KLHL5: variants seen among roughly 807,000 people sequenced by gnomAD.
KLHL5 encodes the protein kelch like family member 5.
In KLHL5, 48 loss-of-function variants were observed where a neutral mutation model predicts 77.7. The ratio of observed to expected loss-of-function variants is 0.62; its 90% CI spans 0.49 to 0.79. The LOEUF is 0.79. Ranked by LOEUF, KLHL5 falls within the 30% of genes least tolerant of loss-of-function variation. The probability of loss-of-function intolerance (pLI) is 0.00; values close to 1 mark genes in which losing one functional copy is unlikely to be tolerated. For missense variants in KLHL5, 723 were observed against 859.7 expected (o/e 0.84, Z 1.99); for synonymous variants, 260 against 297.0 (o/e 0.88, Z 1.28).
chr4:39,115,632 G>A, intron 10 of KLHL5: 1 of 1,355,014 alleles, frequency 7.4e-7, no homozygotes, highest in Non-Finnish European at 9.4e-7. Flanking sequence ...CTGCAACAAT[G>A]GGAGGGGAGA....
intron 10 of KLHL5, among the ~76,000 whole-genome samples, chr4:39,120,515 G>A (rs190849556): frequency 1.3e-5 from 2 of 152,266 alleles, no homozygotes; most frequent in East Asian, 3.9e-4. Context: ...GCACGTAGAA[G>A]GTAGTCAAAA....
At chr4:39,052,394 A>G (rs1248971372) in intron 1 of KLHL5, among the ~76,000 whole-genome samples, 1 of 152,164 alleles carries the variant, frequency 6.6e-6, no homozygotes, top group Non-Finnish European at 1.5e-5. Flanking sequence ...GCTGCGGATC[A>G]CAGGTATGAG....
intron 5 of KLHL5, among the ~76,000 whole-genome samples, chr4:39,087,368 A>G (rs927384692): frequency 6.6e-6 from 1 of 152,190 alleles, no homozygotes; most frequent in Non-Finnish European, 1.5e-5. Context: ...CCACATGTTT[A>G]TTAAGTATCC....
At chr4:39,135,904 C>CA in the KLHL5 span, among the ~76,000 whole-genome samples, 2 of 151,708 alleles carry the variant, frequency 1.3e-5, no homozygotes, top group African/African-American at 4.8e-5. Flanking sequence ...AACTCCATCT[C>CA]AAAAAACAAA....
At chr4:39,099,073 G>A (rs1472502542) in intron 6 of KLHL5, among the ~76,000 whole-genome samples, 3 of 151,804 alleles carry the variant, frequency 2.0e-5, no homozygotes, top group South Asian at 2.1e-4. Context: ...ACTTGAGGTC[G>A]GGAGGTTGAG....
chr4:39,107,236 A>C (rs1361546771), intron 7 of KLHL5, among the ~76,000 whole-genome samples: 1 of 151,710 alleles, frequency 6.6e-6, no homozygotes, highest in Admixed American at 6.6e-5. Flanking sequence ...TTAGTAGAGA[A>C]GAGGTTTTGC....
At chr4:39,111,624 G>A (rs1230368267) in intron 8 of KLHL5, among the ~76,000 whole-genome samples, 1 of 152,116 alleles carries the variant, frequency 6.6e-6, no homozygotes, top group East Asian at 1.9e-4. Context: ...CTTCTACCAA[G>A]TATTAGTTGA....
At chr4:39,104,532 C>T (rs1044423887) in intron 7 of KLHL5, among the ~76,000 whole-genome samples, 8 of 152,182 alleles carry the variant, frequency 5.3e-5, no homozygotes, top group South Asian at 2.1e-4. Flanking sequence ...AATGTGATTG[C>T]TCATAGTCCA....
intron 7 of KLHL5, among the ~76,000 whole-genome samples, chr4:39,105,759 CACACACACACACACAT>C (rs1721985462): frequency 6.6e-6 from 1 of 151,012 alleles, no homozygotes; most frequent in Non-Finnish European, 1.5e-5. Context: ...CACACACACA[CACACACACACACACAT>C]AAAATCTCCA....
intron 5 of KLHL5, among the ~76,000 whole-genome samples, chr4:39,091,842 G>GTTTTTTTT (rs372831946): frequency 9.5e-5 from 5 of 52,428 alleles, no homozygotes; most frequent in Admixed American, 2.6e-4. Context: ...CATCTGACTA[G>GTTTTTTTT]TTTTTTTTTT....
Position 39,069,428 on chromosome 4 carries a change from TTTTATATATATATATATATATA to T in KLHL5, c.383+6395_383+6416del, listed in dbSNP as rs1468927988. On this transcript the variant is annotated intron_variant, in intron 1 of 10. Transcript: ENST00000504108. ...TTAAGTGAATTTTTCCCTATTAACA[TTTTATATATATATATATATATA>T]TATATATATATATATATATATATAC... is the stretch of plus-strand genomic sequence containing the variant. Among the ~76,000 whole-genome samples the T allele has an allele frequency of 2.3e-3, 301 of 128,618 alleles. 1 individual carries two copies. The highest frequency in any genetic ancestry group is 4.9e-3 in the African/African-American group (162 of 33,318). 84.4% of individuals were successfully genotyped at this position (128,618 alleles called of 152,430 possible). A position where few individuals can be genotyped will look rare whatever the true frequency, so the allele number is the denominator to read the frequency against.
Position 39,115,174 on chromosome 4 carries a change from A to C in KLHL5, c.1917A>C (p.Thr639=). The change falls in exon 10 of 11, where the codon ACA becomes ACC. Residue 639 remains threonine (T), a synonymous_variant. Coordinates refer to ENST00000504108, the MANE Select transcript of KLHL5 (RefSeq NM_015990.5). ...SDCVERYDPK[T]DMWTAVASMS... ...TTTCTTACAGATATGATCCCAAAAC[A>C]GACATGTGGACTGCAGTAGCATCCA... 6.2e-7 allele frequency: 1 copy of C among 1,606,476 alleles called. No homozygotes were observed. Among genetic ancestry groups the C allele is most frequent in the Non-Finnish European group, 8.5e-7 (1 of 1,178,236 alleles).
In KLHL5 at chr4:39,062,940, A is replaced by G. The variant is rs1717567164; in HGVS notation, c.288A>G (p.Thr96=). The G allele has an allele frequency of 6.2e-7, 1 of 1,614,190 alleles. No individual in the cohort carries two copies. Among genetic ancestry groups the G allele is most frequent in the Non-Finnish European group, 8.5e-7 (1 of 1,180,018 alleles). The part of the protein sequence containing the change: ...STSEVPAFEF[T]AEDCGGAHWL... ...CTGAAGTCCCTGCATTTGAGTTTAC[A>G]GCAGAAGATTGTGGCGGTGCACATT... Residue 96 remains threonine (T), a synonymous_variant, in exon 1 of 11, where the codon ACA becomes ACG. Transcript: ENST00000504108.
chr4:39,053,468 A>C (rs1392404273), intron 1 of KLHL5, among the ~76,000 whole-genome samples: 1 of 152,250 alleles, frequency 6.6e-6, no homozygotes, highest in Non-Finnish European at 1.5e-5. Flanking sequence ...GTGGTTATCC[A>C]GATTGTTACT....
upstream of KLHL5, among the ~76,000 whole-genome samples, chr4:39,059,434 G>A (rs1717223698): frequency 6.6e-6 from 1 of 152,094 alleles, no homozygotes; most frequent in African/African-American, 2.4e-5. Flanking sequence ...TTACACACCT[G>A]TCAGAATGAC....
intron 1 of KLHL5, 113 bp downstream of exon 1, chr4:39,063,148 CATAT>C: frequency 1.5e-6 from 1 of 682,992 alleles, no homozygotes; most frequent in Non-Finnish European, 2.2e-6. Context: ...CATCTGCATA[CATAT>C]ATATAATATC....
At chr4:39,093,095 A>G (rs770901258) in intron 5 of KLHL5, 1 of 455,972 alleles carries the variant, frequency 2.2e-6, no homozygotes, top group South Asian at 1.5e-5. Context: ...ACTGGAAGCA[A>G]CCTAAGAAGC....
chr4:39,077,148 A>C (rs1719134562), intron 2 of KLHL5, among the ~76,000 whole-genome samples: 1 of 152,020 alleles, frequency 6.6e-6, no homozygotes, highest in Admixed American at 6.6e-5. Flanking sequence ...AGATCTACAA[A>C]TGGCCAACAA....
intron 1 of KLHL5, among the ~76,000 whole-genome samples, chr4:39,069,826 A>G (rs960641196): frequency 2.6e-5 from 4 of 152,110 alleles, no homozygotes; most frequent in African/African-American, 7.2e-5. Context: ...CCCAAATCAA[A>G]CTGACTTAAA....
Sources: gnomAD v4.1 joint callset for allele counts (sites outside exome capture counted in the v4.1 genomes callset) on GRCh38, gnomAD v4.1.1 for gene constraint, MANE v1.5 for transcripts, NCBI Gene and HGNC (gene_info 2026-07-23, HGNC 2026-07-21) for gene names.